ZBTB20: variants seen among roughly 807,000 people sequenced by gnomAD.
ZBTB20 encodes zinc finger and BTB domain containing 20.
Under a neutral mutation model 56.9 loss-of-function variants are expected in ZBTB20, and 9 were observed. The ratio of observed to expected loss-of-function variants is 0.16; its 90% CI spans 0.10 to 0.28. The LOEUF (loss-of-function observed/expected upper bound fraction) is 0.28, where lower values mean the gene tolerates loss of function less well. ZBTB20 is among the 10% of genes least tolerant of loss of function. The pLI, the probability that ZBTB20 is intolerant of heterozygous loss-of-function variation, is 1.00. For synonymous variants in ZBTB20, 417 were observed against 420.7 expected (o/e 0.99, Z 0.11); for missense variants, 655 against 1,003.0 (o/e 0.65, Z 4.69).
At chr3:115,055,301 T>G (rs1473419244) in intron 2 of ZBTB20, among the ~76,000 whole-genome samples, 1 of 150,688 alleles carries the variant, frequency 6.6e-6, no homozygotes, top group African/African-American at 2.4e-5. Context: ...CAGGACTTTG[T>G]GGTCAGAAAC....
At chr3:114,343,704 C>T (rs922695558) in intron 11 of ZBTB20, among the ~76,000 whole-genome samples, 6 of 152,208 alleles carry the variant, frequency 3.9e-5, no homozygotes, top group Admixed American at 6.5e-5. Flanking sequence ...TCATATGGAG[C>T]TTTTACTGGC....
intron 1 of ZBTB20, among the ~76,000 whole-genome samples, chr3:115,079,190 C>T (rs1285110889): frequency 1.3e-5 from 2 of 152,070 alleles, no homozygotes; most frequent in African/African-American, 4.8e-5. Flanking sequence ...ATAACAAGTG[C>T]TAGAATCAAC....
At chr3:114,397,905 G>C (rs1220065370) in intron 7 of ZBTB20, among the ~76,000 whole-genome samples, 1 of 152,050 alleles carries the variant, frequency 6.6e-6, no homozygotes, top group Non-Finnish European at 1.5e-5. Context: ...AAACTCTTAA[G>C]CCTGGGCTCG....
chr3:114,619,763 A>G lies in ZBTB20; in HGVS notation c.-295+73765T>C, dbSNP rs533648684. On this transcript the variant is annotated intron_variant, in intron 6 of 11. Transcript: ENST00000675478. The stretch of plus-strand genomic sequence containing the variant: ...CTGCAGTAGGCTATTTTCAGCTATT[A>G]TTTACCTCAAACAGGGCATTTAATT... Among the ~76,000 whole-genome samples the G allele has an allele frequency of 1.3e-3, 197 of 152,286 alleles. 1 individual carries two copies. The highest frequency in any genetic ancestry group is 2.1e-3 in the Non-Finnish European group (141 of 68,022).
intron 4 of ZBTB20, among the ~76,000 whole-genome samples, chr3:114,864,724 A>G (rs1431828575): frequency 6.6e-6 from 1 of 152,132 alleles, no homozygotes; most frequent in African/African-American, 2.4e-5. Flanking sequence ...TAAAGAAGAC[A>G]AATTTCTAAC....
At chr3:115,140,280 G>C (rs1223757754) in intron 1 of ZBTB20, among the ~76,000 whole-genome samples, 1 of 151,940 alleles carries the variant, frequency 6.6e-6, no homozygotes, top group Non-Finnish European at 1.5e-5. Context: ...ACAAAGAGTT[G>C]AATTTAATAT....
chr3:115,119,000 ATAATT>A (rs754929892), intron 1 of ZBTB20, among the ~76,000 whole-genome samples: 1 of 152,156 alleles, frequency 6.6e-6, no homozygotes, highest in Non-Finnish European at 1.5e-5. Flanking sequence ...TTTCCTCAGT[ATAATT>A]TATTTCTTTG....
intron 7 of ZBTB20, among the ~76,000 whole-genome samples, chr3:114,401,216 T>A (rs1432187316): frequency 2.0e-5 from 3 of 152,020 alleles, no homozygotes; most frequent in Non-Finnish European, 4.4e-5. Context: ...TTAAAATATA[T>A]TGAATAATCA....
At chr3:115,021,916 G>A (rs939845949) in intron 2 of ZBTB20, among the ~76,000 whole-genome samples, 25 of 150,594 alleles carry the variant, frequency 1.7e-4, no homozygotes, top group African/African-American at 5.1e-4. Context: ...GCTATTCCAG[G>A]TAGGATAAAT....
chr3:114,744,670 C>T (rs1260118839), intron 5 of ZBTB20, among the ~76,000 whole-genome samples: 1 of 152,068 alleles, frequency 6.6e-6, no homozygotes, highest in Non-Finnish European at 1.5e-5. Context: ...TTAGGTGCTA[C>T]AGCGATAGTC....
intron 5 of ZBTB20, among the ~76,000 whole-genome samples, chr3:114,774,639 A>T (rs1221011976): frequency 1.3e-5 from 2 of 152,170 alleles, no homozygotes; most frequent in African/African-American, 2.4e-5. Context: ...AAGGGGGTGG[A>T]TAACAAATCT....
At chr3:114,922,157 AT>A (rs1466523602) in intron 3 of ZBTB20, among the ~76,000 whole-genome samples, 1 of 152,150 alleles carries the variant, frequency 6.6e-6, no homozygotes, top group Non-Finnish European at 1.5e-5. Context: ...GCCTCAACAA[AT>A]TTGGTACAGA....
chr3:115,092,243 G>A (rs2083224999), intron 1 of ZBTB20, among the ~76,000 whole-genome samples: 2 of 151,930 alleles, frequency 1.3e-5, no homozygotes, highest in Non-Finnish European at 2.9e-5. Context: ...TTTTGCAAAT[G>A]TCCTGTTTTT....
chr3:114,835,351 A>C (rs980459565), intron 4 of ZBTB20, among the ~76,000 whole-genome samples: 1 of 152,018 alleles, frequency 6.6e-6, no homozygotes, highest in Non-Finnish European at 1.5e-5. Flanking sequence ...AAAGTATTCT[A>C]TTTATTTCCC....
chr3:114,926,879 C>T (rs1366348844), intron 3 of ZBTB20, among the ~76,000 whole-genome samples: 1 of 152,170 alleles, frequency 6.6e-6, no homozygotes, highest in Non-Finnish European at 1.5e-5. Flanking sequence ...GCTGGGACTA[C>T]AGGCATACAC....
At chr3:115,069,443 C>A (rs1254885313) in intron 2 of ZBTB20, among the ~76,000 whole-genome samples, 1 of 152,116 alleles carries the variant, frequency 6.6e-6, no homozygotes, top group South Asian at 2.1e-4. Flanking sequence ...CACTAATATG[C>A]CACGAACTCT....
intron 2 of ZBTB20, among the ~76,000 whole-genome samples, chr3:115,041,284 C>G (rs2081131122): frequency 6.6e-6 from 1 of 152,142 alleles, no homozygotes; most frequent in Non-Finnish European, 1.5e-5. Context: ...CATGGACAAA[C>G]ATTACAATTC....
intron 1 of ZBTB20, among the ~76,000 whole-genome samples, chr3:115,097,452 A>AT (rs201333416): frequency 4.6e-5 from 7 of 151,474 alleles, no homozygotes; most frequent in South Asian, 2.1e-4. Context: ...AAAGTGCCCT[A>AT]TTTTTTTTAA....
intron 6 of ZBTB20, among the ~76,000 whole-genome samples, chr3:114,576,040 C>T (rs1010902471): frequency 1.3e-5 from 2 of 152,122 alleles, no homozygotes; most frequent in African/African-American, 2.4e-5. Context: ...TTTCTTTCTC[C>T]GTGTGTGCAT....
Sources: gnomAD v4.1 joint callset for allele counts (sites outside exome capture counted in the v4.1 genomes callset) on GRCh38, gnomAD v4.1.1 for gene constraint, MANE v1.5 for transcripts, NCBI Gene and HGNC (gene_info 2026-07-23, HGNC 2026-07-21) for gene names.